RRP7A: variants seen among roughly 807,000 people sequenced by gnomAD.
RRP7A encodes the protein ribosomal RNA processing 7 homolog A.
Under a neutral mutation model 38.4 loss-of-function variants are expected in RRP7A, and 27 were observed. The ratio of observed to expected loss-of-function variants is 0.70; its 90% CI spans 0.52 to 0.97. The LOEUF (loss-of-function observed/expected upper bound fraction) is 0.97. Among genes scored for constraint, RRP7A ranks in the 50% least tolerant of loss-of-function variants. The probability of loss-of-function intolerance (pLI) is 0.00; values close to 1 mark genes in which losing one functional copy is unlikely to be tolerated. For synonymous variants in RRP7A, 124 were observed against 150.3 expected (o/e 0.83, Z 1.28); for missense variants, 327 against 375.4 (o/e 0.87, Z 1.07).
At chr22:42,515,942 TCCC>T in intron 3 of RRP7A, 66 bp downstream of exon 3, 1 of 1,508,916 alleles carries the variant, frequency 6.6e-7, no homozygotes, top group Non-Finnish European at 8.9e-7. Flanking sequence ...CACTGCCAGC[TCCC>T]CCAACACACT....
intron 2 of RRP7A, among the ~76,000 whole-genome samples, chr22:42,517,605 C>T (rs532053135): frequency 6.6e-6 from 1 of 152,088 alleles, no homozygotes; most frequent in Admixed American, 6.5e-5. Context: ...CTGCAACCTA[C>T]ACCTCCCGGG....
chr22:42,519,548 C>T (rs1368618454), intron 1 of RRP7A, among the ~76,000 whole-genome samples, 166 bp downstream of exon 1: 2 of 152,138 alleles, frequency 1.3e-5, no homozygotes, highest in African/African-American at 2.4e-5. Flanking sequence ...CCGCCTGGGT[C>T]CTCGGGACCC....
intron 2 of RRP7A, chr22:42,516,560 G>T: frequency 2.9e-6 from 1 of 350,734 alleles, no homozygotes. Flanking sequence ...TGATCCGCCC[G>T]CCTCGGCCTC....
At chr22:42,513,267 C>G in intron 6 of RRP7A, among the ~76,000 whole-genome samples, 1 of 136,714 alleles carries the variant, frequency 7.3e-6, no homozygotes, top group Non-Finnish European at 1.6e-5. Context: ...GCAAAGGTAC[C>G]CGCCCCCACC....
In RRP7A at chr22:42,511,813, G is replaced by C. The variant is rs1311235405; in HGVS notation, c.*1097C>G. The C allele has an allele frequency of 2.9e-6, 1 of 345,558 alleles. No individual in the cohort carries two copies. The highest frequency in any genetic ancestry group is 5.4e-6 in the Non-Finnish European group (1 of 183,586). The allele number at this position is 345,558 out of a possible 1,614,324, so 21.4% of individuals were successfully genotyped here. On this transcript the variant is annotated 3_prime_UTR_variant, in exon 7 of 7. Transcript: ENST00000323013. ...ACGTCATCTCATTATCTTTTCTCACGAGGACTACTTCGGATACAATCACAG... is the reference window on the plus strand; with the variant it reads ...ACGTCATCTCATTATCTTTTCTCACCAGGACTACTTCGGATACAATCACAG...
At position 42,509,030 on chromosome 22, in the gene RRP7A, A is replaced by G. The variant is rs1436165512; in HGVS notation, c.*3880T>C. ...TCACCATGTTTTTGTCTCTGCAGGC[A>G]GAGAACAGCATTGACTTCGTCAGCA... On this transcript the variant is annotated 3_prime_UTR_variant, in exon 7 of 7. Transcript: ENST00000323013. The G allele has an allele frequency of 1.2e-6, 2 of 1,609,608 alleles. No individual in the cohort carries two copies. The highest frequency in any genetic ancestry group is 1.7e-5 in the Admixed American group (1 of 59,958).
chr22:42,512,197 C>G lies in RRP7A; in HGVS notation c.*713G>C, dbSNP rs1029313490. ...CAGCACGTGGCCAGTATCATCAGCT[C>G]CTTCTTACAGTGCACACACACGCTC... On this transcript the variant is annotated 3_prime_UTR_variant, in exon 7 of 7. Transcript: ENST00000323013. 1.1e-4 allele frequency: 180 copies of G among 1,611,724 alleles called. 2 individuals are homozygous for G. Among genetic ancestry groups the G allele is most frequent in the Non-Finnish European group, 1.4e-4 (168 of 1,178,178 alleles).
chr22:42,510,746 TG>T lies in RRP7A; in HGVS notation c.*2163del. 1 of 1,494,066 alleles carries T rather than the reference TG, an allele frequency of 6.7e-7. No homozygotes were observed. The allele number at this position is 1,494,066 out of a possible 1,614,324, so 92.6% of individuals were successfully genotyped here. On this transcript the variant is annotated 3_prime_UTR_variant, in exon 7 of 7. Transcript: ENST00000323013. ...AGAGGTAAGGCGGGGCTCAGGCAGC[TG>T]GTGTCCAGCCACTGTCGCCCACTCT...
Position 42,508,941 on chromosome 22 carries a change from C to G in RRP7A, c.*3969G>C. The stretch of plus-strand genomic sequence containing the variant: ...GGTGGCTAAGGTGCCCTCGCCAGGG[C>G]TTAGCCACCCCAACAGAGATGGGTT... On this transcript the variant is annotated 3_prime_UTR_variant, in exon 7 of 7. Transcript: ENST00000323013. 1 of 1,593,540 alleles carries G rather than the reference C, an allele frequency of 6.3e-7. No homozygotes were observed.
intron 2 of RRP7A, among the ~76,000 whole-genome samples, chr22:42,517,369 AAC>A (rs1158428977): frequency 1.3e-5 from 2 of 148,868 alleles, no homozygotes; most frequent in East Asian, 1.9e-4. Context: ...AAAAAAAATT[AAC>A]AGTTGTGTTT....
Position 42,516,041 on chromosome 22 carries a change from C to T in RRP7A, c.312G>A (p.Arg104=). Residue 104 remains arginine (R), a synonymous_variant, in exon 3 of 7, where the codon AGG becomes AGA. Transcript: ENST00000323013. ...CTGGCTTGGGATGAAAAAACTTCGA[C>T]CTTGACTCCTTTGGGCTCTCAGCCA... ...PDLAESPKES[R]SKFFHPKPVP... 1 of 1,608,192 alleles carries T rather than the reference C, an allele frequency of 6.2e-7. No homozygotes were observed. The highest frequency in any genetic ancestry group is 8.5e-7 in the Non-Finnish European group (1 of 1,176,518).
Position 42,513,250 on chromosome 22 carries a change from C to T in RRP7A, c.758-255G>A, listed in dbSNP as rs1244114048. Among the ~76,000 whole-genome samples, 6 of 141,750 alleles carry T rather than the reference C, an allele frequency of 4.2e-5. 1 individual carries two copies. The highest frequency in any genetic ancestry group is 7.4e-5 in the Admixed American group (1 of 13,474). The allele number at this position is 141,750 out of a possible 152,430, so 93.0% of individuals were successfully genotyped here. ...CCCCAGCCTGGAGATGAAGCCCTAG[C>T]GACAAAGCAAAGGTACCCGCCCCCA... On this transcript the variant is annotated intron_variant, in intron 6 of 6. Coordinates refer to ENST00000323013, the MANE Select transcript of RRP7A (RefSeq NM_015703.5).
At chr22:42,519,677 C>G (rs1196872787) in intron 1 of RRP7A, 37 bp downstream of exon 1, 95 of 1,434,162 alleles carry the variant, frequency 6.6e-5, no homozygotes, top group Middle Eastern at 1.8e-4. Flanking sequence ...CCGGCGATGC[C>G]TGACCGCCCC....
Position 42,509,608 on chromosome 22 carries a change from C to T in RRP7A, c.*3302G>A, listed in dbSNP as rs1405226702. 3.3e-5 allele frequency among the ~76,000 whole-genome samples: 5 copies of T among 151,560 alleles called. 1 individual carries two copies. The highest frequency in any genetic ancestry group is 7.4e-5 in the Non-Finnish European group (5 of 67,870). The stretch of plus-strand genomic sequence containing the variant: ...GGCCTCCCAGTGTTGGGATTACAGG[C>T]GAGAGCCACCGTGCGTGGCCCACCA... On this transcript the variant is annotated 3_prime_UTR_variant, in exon 7 of 7. Coordinates refer to ENST00000323013, the MANE Select transcript of RRP7A (RefSeq NM_015703.5).
chr22:42,514,357 G>A, intron 5 of RRP7A, 53 bp from the exon 6 acceptor site: 2 of 1,373,936 alleles, frequency 1.5e-6, no homozygotes, highest in South Asian at 2.5e-5. Context: ...GCCTCCAGCA[G>A]CGCGCCCTCC....
chr22:42,508,703 C>G lies in RRP7A; in HGVS notation c.*4207G>C, dbSNP rs1345855972. Among the ~76,000 whole-genome samples, 1 of 152,238 alleles carries G rather than the reference C, an allele frequency of 6.6e-6. No homozygotes were observed. Among genetic ancestry groups the G allele is most frequent in the East Asian group, 1.9e-4 (1 of 5,204 alleles). ...AGGGCCACACCTAAGTCCTAAAATC[C>G]AGGCCCAAAAGTGGCCCAACTCACT... On this transcript the variant is annotated 3_prime_UTR_variant, in exon 7 of 7. Coordinates refer to ENST00000323013, the MANE Select transcript of RRP7A (RefSeq NM_015703.5).
At position 42,512,646 on chromosome 22, in the gene RRP7A, A is replaced by T; in HGVS notation, c.*264T>A. Reference sequence around the variant, plus strand: ...AGAACGGATTCATCCAGGGTCCTGGAGAGGAGGGTGTGGAGGCAAGAAGCA... The same window carrying T: ...AGAACGGATTCATCCAGGGTCCTGGTGAGGAGGGTGTGGAGGCAAGAAGCA... On this transcript the variant is annotated 3_prime_UTR_variant, in exon 7 of 7. Coordinates refer to ENST00000323013, the MANE Select transcript of RRP7A (RefSeq NM_015703.5). 2 of 588,664 alleles carry T rather than the reference A, an allele frequency of 3.4e-6. No homozygotes were observed. The highest frequency in any genetic ancestry group is 2.0e-5 in the South Asian group (1 of 50,552). 36.5% of individuals were successfully genotyped at this position (588,664 alleles called of 1,614,324 possible).
Position 42,512,148 on chromosome 22 carries a change from C to T in RRP7A, c.*762G>A. 2.2e-6 allele frequency: 3 copies of T among 1,352,212 alleles called. No homozygotes were observed. Among genetic ancestry groups the T allele is most frequent in the Non-Finnish European group, 3.1e-6 (3 of 952,794 alleles). 83.8% of individuals were successfully genotyped at this position (1,352,212 alleles called of 1,614,324 possible). Reference sequence around the variant, plus strand: ...CCAGTTTGTGGAAGTCCCAGGCAATCACTGTGTCCACATGAGCGAACCCCA... The same window carrying T: ...CCAGTTTGTGGAAGTCCCAGGCAATTACTGTGTCCACATGAGCGAACCCCA... On this transcript the variant is annotated 3_prime_UTR_variant, in exon 7 of 7. Transcript: ENST00000323013.
intron 2 of RRP7A, among the ~76,000 whole-genome samples, chr22:42,517,095 T>C (rs765602070): frequency 6.6e-6 from 1 of 151,960 alleles, no homozygotes; most frequent in African/African-American, 2.4e-5. Context: ...CTGGCCAACA[T>C]GGTGAAACCT....
Sources: allele counts gnomAD v4.1 joint callset (sites outside exome capture counted in the v4.1 genomes callset), GRCh38; gene constraint gnomAD v4.1.1; transcripts MANE v1.5; gene names NCBI Gene and HGNC (gene_info 2026-07-23, HGNC 2026-07-21).